Variants in MALRD1 observed in about 807,000 individuals in gnomAD.
MALRD1 encodes the protein MAM and LDL-receptor class A domain-containing protein 1.
In MALRD1, 247 loss-of-function variants were observed where a neutral mutation model predicts 242.1. That is an observed-to-expected ratio of 1.02 (90% CI 0.92 to 1.13). MALRD1 has a LOEUF of 1.13. Ranked by LOEUF, MALRD1 falls within the 50% of genes most tolerant of loss-of-function variation. The pLI, the probability that MALRD1 is intolerant of heterozygous loss-of-function variation, is 0.00. For missense variants in MALRD1, 2,989 were observed against 2,533.1 expected (o/e 1.18, Z -3.86); for synonymous variants, 995 against 866.6 (o/e 1.15, Z -2.60).
chr10:19,066,998 G>A (rs370644343), intron 2 of MALRD1, 139 bp downstream of exon 2: 12 of 546,206 alleles, frequency 2.2e-5, no homozygotes, highest in Admixed American at 8.8e-5. Context: ...AATCTTGTCT[G>A]ATATTTACAT....
intron 31 of MALRD1, among the ~76,000 whole-genome samples, chr10:19,524,628 C>A (rs537150645): frequency 1.3e-5 from 2 of 152,070 alleles, no homozygotes; most frequent in Non-Finnish European, 2.9e-5. Flanking sequence ...CTGAATAAAT[C>A]TGACTCTGAA....
chr10:19,294,635 C>A (rs1841605498), intron 21 of MALRD1, among the ~76,000 whole-genome samples: 1 of 152,082 alleles, frequency 6.6e-6, no homozygotes, highest in African/African-American at 2.4e-5. Context: ...CCTGTCAGGA[C>A]TGTGTGCTTG....
chr10:19,162,260 G>A lies in MALRD1; in HGVS notation c.1657-3377G>A, dbSNP rs77423211. 9.2e-3 allele frequency among the ~76,000 whole-genome samples: 1,396 copies of A among 151,882 alleles called. 22 individuals are homozygous for A. The highest frequency in any genetic ancestry group is 0.032 in the African/African-American group (1,312 of 41,454). On this transcript the variant is annotated intron_variant, in intron 12 of 39. Transcript: ENST00000454679. ...GTAATGCCTTATACATTTTTTTGAC[G>A]TAGAATAGATTATCTTTCTTCCTCT...
intron 35 of MALRD1, among the ~76,000 whole-genome samples, chr10:19,611,568 T>C (rs1838897580): frequency 6.6e-6 from 1 of 151,946 alleles, no homozygotes; most frequent in Non-Finnish European, 1.5e-5. Flanking sequence ...CAGAGAGACA[T>C]TGCTGTGGCT....
chr10:19,434,644 G>C (rs1158944449), intron 28 of MALRD1, among the ~76,000 whole-genome samples: 4 of 151,522 alleles, frequency 2.6e-5, no homozygotes, highest in Non-Finnish European at 5.9e-5. Context: ...TTTTTTTAAA[G>C]ATATTTAAAA....
intron 19 of MALRD1, among the ~76,000 whole-genome samples, chr10:19,260,250 A>G (rs550284799): frequency 6.6e-6 from 1 of 152,090 alleles, no homozygotes; most frequent in East Asian, 2.0e-4. Flanking sequence ...AGGTTGGCAT[A>G]GAGAATAAGA....
intron 36 of MALRD1, among the ~76,000 whole-genome samples, chr10:19,655,564 ATATATATG>A (rs1203943870): frequency 7.6e-6 from 1 of 131,916 alleles, no homozygotes; most frequent in Non-Finnish European, 1.6e-5. Flanking sequence ...ATATATATAT[ATATATATG>A]GAGATAATTT....
intron 29 of MALRD1, among the ~76,000 whole-genome samples, chr10:19,489,897 A>G (rs1837406714): frequency 6.6e-6 from 1 of 152,138 alleles, no homozygotes; most frequent in African/African-American, 2.4e-5. Flanking sequence ...TGGTTGTGAT[A>G]GTCCTATTTT....
chr10:19,384,204 T>A (rs1024360820), intron 26 of MALRD1, among the ~76,000 whole-genome samples: 1 of 148,242 alleles, frequency 6.7e-6, no homozygotes, highest in African/African-American at 2.5e-5. Context: ...AATTTTTAAA[T>A]CAGGTTACCT....
At chr10:19,435,726 C>T (rs74799894) in intron 28 of MALRD1, among the ~76,000 whole-genome samples, 9,028 of 152,146 alleles carry the variant, frequency 0.059, 324 homozygotes, top group African/African-American at 0.096. Context: ...AGTTCCTTCC[C>T]ATATCCCTGG....
At position 19,387,697 on chromosome 10, in the gene MALRD1, C is replaced by G; in HGVS notation, c.4611C>G (p.Asn1537Lys). The change falls in exon 27 of 40, where the codon AAC becomes AAG. Residue 1537 changes from asparagine to lysine, a missense_variant. Transcript: ENST00000454679. ...WCGWQNSQADNFDWVLGVGSH... is the reference protein window; with the variant it reads ...WCGWQNSQADKFDWVLGVGSH... ...GCTGGCAAAACTCCCAGGCTGACAACTTTGATTGGGTTTTAGGGGTTGGCT... is the reference window on the plus strand; with the variant it reads ...GCTGGCAAAACTCCCAGGCTGACAAGTTTGATTGGGTTTTAGGGGTTGGCT... 1 of 1,550,346 alleles carries G rather than the reference C, an allele frequency of 6.5e-7. No individual in the cohort carries two copies. The highest frequency in any genetic ancestry group is 8.7e-7 in the Non-Finnish European group (1 of 1,146,878).
At chr10:19,141,027 CA>C (rs1286693121) in intron 10 of MALRD1, among the ~76,000 whole-genome samples, 1 of 152,098 alleles carries the variant, frequency 6.6e-6, no homozygotes, top group East Asian at 1.9e-4. Flanking sequence ...ATATGTATAT[CA>C]AAACATTACA....
At chr10:19,489,722 A>G (rs16918856) in intron 29 of MALRD1, among the ~76,000 whole-genome samples, 3,048 of 152,296 alleles carry the variant, frequency 0.02, 123 homozygotes, top group African/African-American at 0.07. Context: ...CTATAATACA[A>G]AGCATATTCA....
chr10:19,630,294 A>G (rs923195358), intron 36 of MALRD1, among the ~76,000 whole-genome samples: 2 of 152,170 alleles, frequency 1.3e-5, no homozygotes, highest in South Asian at 2.1e-4. Flanking sequence ...ATTGAATTCA[A>G]AAATACATCT....
intron 26 of MALRD1, among the ~76,000 whole-genome samples, chr10:19,368,818 T>G (rs1324866911): frequency 6.6e-6 from 1 of 151,552 alleles, no homozygotes; most frequent in Non-Finnish European, 1.5e-5. Context: ...CTCGTAGACT[T>G]CAATTCGCTT....
intron 36 of MALRD1, among the ~76,000 whole-genome samples, chr10:19,629,672 T>C (rs1182465980): frequency 6.6e-6 from 1 of 152,162 alleles, no homozygotes; most frequent in African/African-American, 2.4e-5. Flanking sequence ...CGCACTCTAC[T>C]GAATGGAAGC....
At chr10:19,356,691 A>T (rs1287730512) in intron 26 of MALRD1, among the ~76,000 whole-genome samples, 1 of 152,138 alleles carries the variant, frequency 6.6e-6, no homozygotes, top group Admixed American at 6.6e-5. Context: ...GTGGACAGCA[A>T]AGGAGATAAA....
In MALRD1 at chr10:19,103,551, C is replaced by CAAAAA. The variant is rs61433069; in HGVS notation, c.598-418_598-414dup. Among the ~76,000 whole-genome samples, 309 of 109,688 alleles carry CAAAAA rather than the reference C, an allele frequency of 2.8e-3. 9 individuals are homozygous for CAAAAA. Among genetic ancestry groups the CAAAAA allele is most frequent in the African/African-American group, 7.7e-3 (218 of 28,322 alleles). 72.0% of individuals were successfully genotyped at this position (109,688 alleles called of 152,430 possible). On this transcript the variant is annotated intron_variant, in intron 4 of 39. Transcript: ENST00000454679. Reference sequence around the variant, plus strand: ...TGGGTGAAAAAGCGAGACTCCGTCTCAAAAAAAAAAAAAATAAATAAAGAT... The same window carrying CAAAAA: ...TGGGTGAAAAAGCGAGACTCCGTCTCAAAAAAAAAAAAAAAAAAATAAATAAAGAT...
chr10:19,461,918 G>A (rs1415819663), intron 29 of MALRD1, among the ~76,000 whole-genome samples: 4 of 151,920 alleles, frequency 2.6e-5, no homozygotes, highest in Non-Finnish European at 4.4e-5. Flanking sequence ...ATGACTCCGG[G>A]GAATACACGA....
Sources: gnomAD v4.1 joint callset for allele counts (sites outside exome capture counted in the v4.1 genomes callset) on GRCh38, gnomAD v4.1.1 for gene constraint, MANE v1.5 for transcripts, NCBI Gene and HGNC (gene_info 2026-07-23, HGNC 2026-07-21) for gene names.